TICRR: variants seen among roughly 807,000 people sequenced by gnomAD.
The protein encoded by TICRR is TOPBP1 interacting checkpoint and replication regulator, also known as treslin.
Under a neutral mutation model 178.1 loss-of-function variants are expected in TICRR, and 132 were observed. The observed-to-expected ratio is 0.74, with a 90% CI of 0.64 to 0.86. TICRR has a LOEUF of 0.86. TICRR is among the 40% of genes least tolerant of loss of function. The pLI is 0.00. For synonymous variants in TICRR, 991 were observed against 900.7 expected (o/e 1.10, Z -1.79); for missense variants, 2,587 against 2,334.3 (o/e 1.11, Z -2.23).
chr15:89,588,704 G>A (rs543443149), intron 4 of TICRR, among the ~76,000 whole-genome samples: 3 of 152,232 alleles, frequency 2.0e-5, no homozygotes, highest in African/African-American at 7.2e-5. Flanking sequence ...AATTCAAGGG[G>A]ACAAAGGCCA....
rs746563228 is a variant in TICRR at position 89,627,600 on chromosome 15, G to A, written c.*514G>A. The stretch of plus-strand genomic sequence containing the variant: ...CAGTAAAATCATCTCTAGTGACTGA[G>A]CACTCAGTACATTTTTGTTTAATGT... On this transcript the variant is annotated 3_prime_UTR_variant, in exon 22 of 22. Transcript: ENST00000268138. 5.8e-5 allele frequency: 9 copies of A among 155,458 alleles called. No homozygotes were observed. Among genetic ancestry groups the A allele is most frequent in the Admixed American group, 1.3e-4 (2 of 15,882 alleles). 9.6% of individuals were successfully genotyped at this position (155,458 alleles called of 1,614,324 possible).
At chr15:89,616,039 C>T (rs1381480755) in intron 15 of TICRR, among the ~76,000 whole-genome samples, 1 of 152,084 alleles carries the variant, frequency 6.6e-6, no homozygotes, top group Non-Finnish European at 1.5e-5. Flanking sequence ...CACGCACCAC[C>T]TCGCCCAGTT....
chr15:89,603,305 A>C (rs1221635438), intron 13 of TICRR, among the ~76,000 whole-genome samples: 1 of 152,248 alleles, frequency 6.6e-6, no homozygotes, highest in Non-Finnish European at 1.5e-5. Flanking sequence ...GGCCAGGCAC[A>C]GCGGCTCACA....
intron 1 of TICRR, among the ~76,000 whole-genome samples, chr15:89,581,207 T>C (rs928291968): frequency 6.8e-6 from 1 of 147,064 alleles, no homozygotes; most frequent in African/African-American, 2.5e-5. Context: ...TAGTTCTGAT[T>C]CCTAACATTC....
chr15:89,578,254 A>G (rs1361590618), intron 1 of TICRR, among the ~76,000 whole-genome samples: 14 of 152,234 alleles, frequency 9.2e-5, no homozygotes, highest in Admixed American at 8.5e-4. Flanking sequence ...GGAGTGAGTT[A>G]AATTGCAAGA....
chr15:89,616,263 T>C (rs1163863134), intron 15 of TICRR, 142 bp from the exon 16 acceptor site: 2 of 650,516 alleles, frequency 3.1e-6, no homozygotes, highest in East Asian at 2.8e-5. Context: ...CCTGTAACCA[T>C]AGAACTTAGC....
intron 1 of TICRR, 76 bp downstream of exon 1, chr15:89,576,316 G>C: frequency 7.3e-7 from 1 of 1,365,338 alleles, no homozygotes; most frequent in East Asian, 2.5e-5. Flanking sequence ...AGCGTCCTTA[G>C]AACAGCCACA....
At chr15:89,591,906 C>T in intron 4 of TICRR, 141 bp from the exon 5 acceptor site, 1 of 605,714 alleles carries the variant, frequency 1.7e-6, no homozygotes, top group Non-Finnish European at 2.7e-6. Flanking sequence ...GTTTGTGGTG[C>T]CGGAGAACAA....
In TICRR at chr15:89,623,795, C is replaced by T. The variant is rs1343998808; in HGVS notation, c.3485C>T (p.Ser1162Leu). The change falls in exon 20 of 22, where the codon TCA (serine) becomes TTA (leucine). Residue 1162 changes from serine to leucine, a missense_variant. Coordinates refer to ENST00000268138, the MANE Select transcript of TICRR (RefSeq NM_152259.4). ...AFKESLKDSS[S>L]PGHDSPLDSK... ...AAGGAGTCCTTAAAAGACTCCTCCT[C>T]ACCCGGCCATGACTCACCATTGGAT... 1 of 1,613,992 alleles carries T rather than the reference C, an allele frequency of 6.2e-7. No homozygotes were observed. The highest frequency in any genetic ancestry group is 2.2e-5 in the East Asian group (1 of 44,876).
At chr15:89,613,729 A>G (rs1033675963) in intron 15 of TICRR, among the ~76,000 whole-genome samples, 1 of 63,768 alleles carries the variant, frequency 1.6e-5, no homozygotes, top group Non-Finnish European at 3.0e-5. Context: ...TAGAATTTCT[A>G]TTCGCTTTTT....
At chr15:89,578,342 C>T (rs1417667184) in intron 1 of TICRR, among the ~76,000 whole-genome samples, 1 of 151,976 alleles carries the variant, frequency 6.6e-6, no homozygotes, top group East Asian at 1.9e-4. Flanking sequence ...ACATGCGAAG[C>T]CCAAAAAAGG....
At chr15:89,605,968 CTAAT>C (rs1463593006) in intron 13 of TICRR, among the ~76,000 whole-genome samples, 1 of 152,160 alleles carries the variant, frequency 6.6e-6, no homozygotes, top group Non-Finnish European at 1.5e-5. Context: ...TAGCCTCCCT[CTAAT>C]TAATGTATAT....
chr15:89,615,377 G>A (rs921110490), intron 15 of TICRR, among the ~76,000 whole-genome samples: 1 of 152,180 alleles, frequency 6.6e-6, no homozygotes, highest in Non-Finnish European at 1.5e-5. Flanking sequence ...CTGCTGGGCT[G>A]TTGGTTTTCA....
At chr15:89,590,978 A>T (rs1962901749) in intron 4 of TICRR, among the ~76,000 whole-genome samples, 1 of 152,194 alleles carries the variant, frequency 6.6e-6, no homozygotes, top group Non-Finnish European at 1.5e-5. Flanking sequence ...CACCTCCTCC[A>T]TCAGGCTTAT....
At chr15:89,579,290 A>G (rs934343128) in intron 1 of TICRR, among the ~76,000 whole-genome samples, 65 of 152,220 alleles carry the variant, frequency 4.3e-4, no homozygotes, top group African/African-American at 1.5e-3. Context: ...CACTTATCCT[A>G]TAATACGCAT....
At position 89,624,841 on chromosome 15, in the gene TICRR, C is replaced by T. The variant is rs560903169; in HGVS notation, c.4531C>T (p.Pro1511Ser). 2.7e-5 allele frequency: 44 copies of T among 1,614,202 alleles called. No individual in the cohort carries two copies. In the East Asian group the frequency reaches 9.6e-4, roughly 35 times the overall value. ...TCACCCTGGGATTCCCCCATCTCCT[C>T]CTTCCTGTGGGCCTGGCTCTCCTCT... Reference protein sequence around the residue: ...LSHPGIPPSPPSCGPGSPLMP... With the variant: ...LSHPGIPPSPSSCGPGSPLMP... The change falls in exon 20 of 22, where the codon CCT (proline) becomes TCT (serine). Residue 1511 changes from proline (P) to serine (S), a missense_variant. Physicochemically the swap from Pro to Ser is moderately conservative, Grantham distance 74. Transcript: ENST00000268138.
rs759054194 is a variant in TICRR at position 89,582,752 on chromosome 15, A to G, written c.721A>G (p.Thr241Ala). The G allele has an allele frequency of 1.9e-6, 3 of 1,614,174 alleles. No individual in the cohort carries two copies. In the Admixed American group the frequency reaches 5.0e-5, roughly 27 times the overall value. Residue 241 changes from threonine (T) to alanine (A), a missense_variant, in exon 2 of 22, where the codon ACT (threonine) becomes GCT (alanine). Physicochemically the swap from Thr to Ala is moderately conservative, Grantham distance 58. Coordinates refer to ENST00000268138, the MANE Select transcript of TICRR (RefSeq NM_152259.4). ...VCELLHHGGG[T>A]VLPSESFSWD... ...TGAACTGCTCCACCACGGAGGTGGC[A>G]CTGTCTTGCCATCTGAATCTTTCAG...
chr15:89,626,747 G>C (rs1240075521), intron 21 of TICRR, among the ~76,000 whole-genome samples: 1 of 152,190 alleles, frequency 6.6e-6, no homozygotes, highest in Non-Finnish European at 1.5e-5. Context: ...TTTCAGAGCT[G>C]CTTCTTGCTG....
At position 89,592,106 on chromosome 15, in the gene TICRR, G is replaced by C; in HGVS notation, c.1471G>C (p.Ala491Pro). 6.2e-7 allele frequency: 1 copy of C among 1,612,564 alleles called. No homozygotes were observed. The highest frequency in any genetic ancestry group is 8.5e-7 in the Non-Finnish European group (1 of 1,178,680). Reference protein sequence around the residue: ...ELGHTTPWSPAVVEKWFPFCN... With the variant: ...ELGHTTPWSPPVVEKWFPFCN... Reference sequence around the variant, plus strand: ...TGGCCACACCACTCCCTGGAGTCCAGCTGTTGTGGAAAAGTGGTTTCCTTT... The same window carrying C: ...TGGCCACACCACTCCCTGGAGTCCACCTGTTGTGGAAAAGTGGTTTCCTTT... Residue 491 changes from alanine (A) to proline (P), a missense_variant, in exon 5 of 22, where the codon GCT becomes CCT. Ala to Pro is a conservative substitution (Grantham distance 27, BLOSUM62 -1). Coordinates refer to ENST00000268138, the MANE Select transcript of TICRR (RefSeq NM_152259.4).
Sources: gnomAD v4.1 joint callset for allele counts (sites outside exome capture counted in the v4.1 genomes callset) on GRCh38, gnomAD v4.1.1 for gene constraint, MANE v1.5 for transcripts, NCBI Gene and HGNC (gene_info 2026-07-23, HGNC 2026-07-21) for gene names.